The following CHKA variants were observed in gnomAD, a reference collection of about 807,000 sequenced individuals.
The protein encoded by CHKA is CHETK-alpha.
Under a neutral mutation model 60.1 loss-of-function variants are expected in CHKA, and 34 were observed. That is an observed-to-expected ratio of 0.57 (90% confidence interval 0.43 to 0.75). The LOEUF is 0.75. Ranked by LOEUF, CHKA falls within the 30% of genes least tolerant of loss-of-function variation. CHKA has a pLI of 0.00. For synonymous variants in CHKA, 217 were observed against 223.1 expected (o/e 0.97, Z 0.24); for missense variants, 563 against 561.3 (o/e 1.00, Z -0.03).
At chr11:68,070,450 G>C (rs1472816741) in intron 5 of CHKA, among the ~76,000 whole-genome samples, 157 bp from the exon 6 acceptor site, 1 of 152,156 alleles carries the variant, frequency 6.6e-6, no homozygotes, top group African/African-American at 2.4e-5. Context: ...AAGAGGAGTG[G>C]CCTTGGGGGT....
chr11:68,063,417 T>C (rs1856322010), intron 10 of CHKA, among the ~76,000 whole-genome samples: 1 of 151,054 alleles, frequency 6.6e-6, no homozygotes, highest in African/African-American at 2.4e-5. Flanking sequence ...AGAGGCTTGC[T>C]AAGAGTTAGA....
chr11:68,075,564 C>T (rs1856760021), intron 3 of CHKA, among the ~76,000 whole-genome samples: 1 of 152,156 alleles, frequency 6.6e-6, no homozygotes, highest in Admixed American at 6.6e-5. Context: ...CCCCCTTAAA[C>T]AGCACATTAC....
In CHKA at chr11:68,068,905, A is replaced by G; in HGVS notation, c.902T>C (p.Val301Ala). ...SLLESTPSPVVFCHNDCQEGN... is the reference protein window; with the variant it reads ...SLLESTPSPVAFCHNDCQEGN... ...TTCTTGACAGTCATTATGACAAAAT[A>G]CAACTGGAGATGGAGTAGATTCAAG... The change falls in exon 7 of 12, where the codon GTA (valine) becomes GCA (alanine). Residue 301 changes from valine (V) to alanine (A), a missense_variant. Coordinates refer to ENST00000265689, the MANE Select transcript of CHKA (RefSeq NM_001277.3). 2 of 1,612,874 alleles carry G rather than the reference A, an allele frequency of 1.2e-6. No individual in the cohort carries two copies. Among genetic ancestry groups the G allele is most frequent in the Non-Finnish European group, 1.7e-6 (2 of 1,179,204 alleles).
Position 68,053,886 on chromosome 11 carries a change from A to G in CHKA, c.*102T>C. 2.2e-6 allele frequency: 2 copies of G among 923,082 alleles called. No homozygotes were observed. Among genetic ancestry groups the G allele is most frequent in the South Asian group, 1.4e-5 (1 of 70,090 alleles). The allele number at this position is 923,082 out of a possible 1,614,324, so 57.2% of individuals were successfully genotyped here. A position where few individuals can be genotyped will look rare whatever the true frequency, so the allele number is the denominator to read the frequency against. ...CATGTGTTCAGTAGTGAGCCACCCA[A>G]AGCCTCCTGCCACAGGAGCAGTAGT... On this transcript the variant is annotated 3_prime_UTR_variant, in exon 12 of 12. Transcript: ENST00000265689.
rs1405320309 is a variant in CHKA at position 68,121,347 on chromosome 11, G to GCGGCGAC, written c.-171_-170insGTCGCCG. ...GGCGGCTGCGGCGACTGCGGCGACTGTGGAGCGGGGATGTGCTGCTGGCCG... is the reference window on the plus strand; with the variant it reads ...GGCGGCTGCGGCGACTGCGGCGACTGCGGCGACTGGAGCGGGGATGTGCTGCTGGCCG... On this transcript the variant is annotated 5_prime_UTR_variant, in exon 1 of 12. Transcript: ENST00000265689. 1.0e-4 allele frequency: 32 copies of GCGGCGAC among 317,830 alleles called. No individual in the cohort carries two copies. Among genetic ancestry groups the GCGGCGAC allele is most frequent in the Non-Finnish European group, 1.4e-4 (31 of 214,256 alleles). 19.7% of individuals were successfully genotyped at this position (317,830 alleles called of 1,614,324 possible).
At chr11:68,080,725 C>T (rs1002020527) in intron 3 of CHKA, among the ~76,000 whole-genome samples, 1 of 152,212 alleles carries the variant, frequency 6.6e-6, no homozygotes, top group Non-Finnish European at 1.5e-5. Context: ...CTTAGACCCA[C>T]GTATGTTGGG....
intron 1 of CHKA, among the ~76,000 whole-genome samples, chr11:68,099,904 A>G (rs565451751): frequency 6.6e-6 from 1 of 152,370 alleles, no homozygotes; most frequent in Non-Finnish European, 1.5e-5. Context: ...GCCAGAAACA[A>G]GCTCACAACC....
Position 68,103,428 on chromosome 11 carries a change from TAG to T in CHKA, c.351-6300_351-6299del, listed in dbSNP as rs1857798862. 3.9e-5 allele frequency among the ~76,000 whole-genome samples: 6 copies of T among 152,212 alleles called. No individual in the cohort carries two copies. In the South Asian group the frequency reaches 1.2e-3, roughly 32 times the overall value. ...AATGCTGACCACCACTAGTCATTAT[TAG>T]ACTGTCTATTTTCAATGATAAAAGA... On this transcript the variant is annotated intron_variant, in intron 1 of 11. Transcript: ENST00000265689.
chr11:68,108,696 A>T (rs1858013446), intron 1 of CHKA, among the ~76,000 whole-genome samples: 1 of 152,172 alleles, frequency 6.6e-6, no homozygotes, highest in Non-Finnish European at 1.5e-5. Context: ...GTGAGCCAAG[A>T]TCATGCCACT....
chr11:68,087,850 C>T (rs926555339), intron 2 of CHKA, among the ~76,000 whole-genome samples: 4 of 152,136 alleles, frequency 2.6e-5, no homozygotes, highest in Admixed American at 6.5e-5. Flanking sequence ...CAGTGGCTCA[C>T]GCCTGTAATC....
At chr11:68,067,312 T>C (rs1045131682) in intron 7 of CHKA, among the ~76,000 whole-genome samples, 2 of 152,208 alleles carry the variant, frequency 1.3e-5, no homozygotes, top group African/African-American at 4.8e-5. Context: ...CAATGTAAAC[T>C]GGAGACCAGA....
Position 68,121,217 on chromosome 11 carries a change from C to G in CHKA, c.-40G>C. 1 of 1,137,662 alleles carries G rather than the reference C, an allele frequency of 8.8e-7. No individual in the cohort carries two copies. The highest frequency in any genetic ancestry group is 1.1e-6 in the Non-Finnish European group (1 of 927,858). The allele number at this position is 1,137,662 out of a possible 1,614,324, so 70.5% of individuals were successfully genotyped here. On this transcript the variant is annotated 5_prime_UTR_variant, in exon 1 of 12. Transcript: ENST00000265689. The stretch of plus-strand genomic sequence containing the variant: ...CGAGGAGGCGCGGGCGGCCGCAGCG[C>G]GAGAGGACTAGGCTCAGAGTCCGGC...
At chr11:68,055,028 G>A (rs1008353159) in intron 11 of CHKA, among the ~76,000 whole-genome samples, 27 of 152,300 alleles carry the variant, frequency 1.8e-4, no homozygotes, top group Non-Finnish European at 3.2e-4. Context: ...CTCAGTACAC[G>A]GATCTGGCAC....
At position 68,068,919 on chromosome 11, in the gene CHKA, A is replaced by C. The variant is rs763101863; in HGVS notation, c.888T>G (p.Thr296=). 2 of 1,612,198 alleles carry C rather than the reference A, an allele frequency of 1.2e-6. No homozygotes were observed. Among genetic ancestry groups the C allele is most frequent in the Admixed American group, 3.3e-5 (2 of 60,006 alleles). The change falls in exon 7 of 12, where the codon ACT becomes ACG. Residue 296 remains threonine, a synonymous_variant. Transcript: ENST00000265689. ...LENLRSLLES[T]PSPVVFCHND... The stretch of plus-strand genomic sequence containing the variant: ...TATGACAAAATACAACTGGAGATGG[A>C]GTAGATTCAAGCAATGATCTGAAAA...
intron 1 of CHKA, among the ~76,000 whole-genome samples, chr11:68,120,331 G>A (rs1335037805): frequency 1.3e-5 from 2 of 152,090 alleles, no homozygotes; most frequent in Non-Finnish European, 2.9e-5. Flanking sequence ...ATGTCTCTTA[G>A]GGGATGAGAA....
intron 7 of CHKA, among the ~76,000 whole-genome samples, chr11:68,068,187 A>T (rs1856502290): frequency 6.6e-6 from 1 of 152,116 alleles, no homozygotes; most frequent in Non-Finnish European, 1.5e-5. Flanking sequence ...TTAGGATTAC[A>T]CGTGTTGCGA....
At chr11:68,057,078 G>A (rs1215219345) in intron 11 of CHKA, among the ~76,000 whole-genome samples, 1 of 152,128 alleles carries the variant, frequency 6.6e-6, no homozygotes, top group African/African-American at 2.4e-5. Context: ...TGTCGTAATG[G>A]AATTGGAGGG....
chr11:68,076,920 T>C (rs1055510108), intron 3 of CHKA, among the ~76,000 whole-genome samples: 50 of 151,972 alleles, frequency 3.3e-4, no homozygotes, highest in African/African-American at 9.7e-4. Flanking sequence ...GGGGAGATGG[T>C]GTATGGAGAG....
chr11:68,076,294 TCAGA>T (rs549584456), intron 3 of CHKA, among the ~76,000 whole-genome samples: 165 of 152,280 alleles, frequency 1.1e-3, no homozygotes, highest in African/African-American at 3.8e-3. Context: ...GGATTTGATA[TCAGA>T]CAGGTTTTAT....
Sources: allele counts gnomAD v4.1 joint callset (sites outside exome capture counted in the v4.1 genomes callset), GRCh38; gene constraint gnomAD v4.1.1; transcripts MANE v1.5; gene names NCBI Gene and HGNC (gene_info 2026-07-23, HGNC 2026-07-21).